ROBO1: variants seen among roughly 807,000 people sequenced by gnomAD.
The protein encoded by ROBO1 is roundabout guidance receptor 1.
In ROBO1, 149 loss-of-function variants were observed where a neutral mutation model predicts 195.9. That is an observed-to-expected ratio of 0.76 (90% confidence interval 0.67 to 0.87). The LOEUF (loss-of-function observed/expected upper bound fraction) is 0.87. Ranked by LOEUF, ROBO1 falls within the 40% of genes least tolerant of loss-of-function variation. The pLI, the probability that ROBO1 is intolerant of heterozygous loss-of-function variation, is 0.00. For missense variants in ROBO1, 1,933 were observed against 2,068.3 expected (o/e 0.93, Z 1.27); for synonymous variants, 816 against 733.2 (o/e 1.11, Z -1.82).
chr3:78,915,543 T>G (rs2107560961), intron 4 of ROBO1, among the ~76,000 whole-genome samples: 1 of 152,320 alleles, frequency 6.6e-6, no homozygotes, highest in East Asian at 1.9e-4. Context: ...CTCTTACCAC[T>G]TTATGTATAT....
intron 2 of ROBO1, among the ~76,000 whole-genome samples, chr3:79,545,659 T>C (rs1308141209): frequency 6.6e-6 from 1 of 152,154 alleles, no homozygotes; most frequent in African/African-American, 2.4e-5. Flanking sequence ...AGTGGAGAAA[T>C]AGGCCTGCAT....
intron 8 of ROBO1, among the ~76,000 whole-genome samples, chr3:78,695,600 G>A (rs2081269816): frequency 6.8e-6 from 1 of 146,382 alleles, no homozygotes; most frequent in Non-Finnish European, 1.5e-5. Flanking sequence ...ACTCCAGCCT[G>A]GCCAACAGAG....
chr3:79,045,176 C>T (rs925755637), intron 3 of ROBO1, among the ~76,000 whole-genome samples: 1 of 151,822 alleles, frequency 6.6e-6, no homozygotes, highest in East Asian at 1.9e-4. Flanking sequence ...AATAAAAATA[C>T]TGAGTTAAAA....
At chr3:79,308,842 C>T (rs989975178) in intron 2 of ROBO1, among the ~76,000 whole-genome samples, 3 of 152,090 alleles carry the variant, frequency 2.0e-5, no homozygotes, top group South Asian at 2.1e-4. Context: ...CTGCATTTTT[C>T]ACCAGGATTG....
At chr3:78,848,496 A>G (rs1160809770) in intron 4 of ROBO1, among the ~76,000 whole-genome samples, 1 of 152,152 alleles carries the variant, frequency 6.6e-6, no homozygotes, top group Non-Finnish European at 1.5e-5. Flanking sequence ...AATGAGGTGC[A>G]GGTTGCTGTT....
intron 1 of ROBO1, among the ~76,000 whole-genome samples, chr3:79,680,186 G>T (rs539088858): frequency 9.9e-5 from 15 of 152,038 alleles, no homozygotes; most frequent in African/African-American, 3.4e-4. Context: ...CACTGTCATT[G>T]TCTAGAAGTG....
intron 3 of ROBO1, among the ~76,000 whole-genome samples, chr3:78,965,703 G>A (rs1198177214): frequency 6.6e-6 from 1 of 151,798 alleles, no homozygotes; most frequent in African/African-American, 2.4e-5. Context: ...GAAAATGTCT[G>A]CTTCTACATA....
intron 2 of ROBO1, among the ~76,000 whole-genome samples, chr3:79,323,076 T>G (rs537599702): frequency 1.5e-4 from 22 of 150,696 alleles, no homozygotes; most frequent in East Asian, 7.7e-4. Context: ...ATTGTAGCTT[T>G]CTTTCTTTCT....
intron 29 of ROBO1, among the ~76,000 whole-genome samples, chr3:78,605,838 T>G (rs1407557666): frequency 6.6e-6 from 1 of 152,218 alleles, no homozygotes; most frequent in Non-Finnish European, 1.5e-5. Flanking sequence ...GAATAACTTT[T>G]TTTGTTTACT....
intron 2 of ROBO1, among the ~76,000 whole-genome samples, chr3:79,365,377 A>G (rs1039692878): frequency 2.6e-5 from 4 of 152,160 alleles, no homozygotes; most frequent in Non-Finnish European, 5.9e-5. Flanking sequence ...CTTGGTCCTG[A>G]ATGTGGACAG....
At chr3:79,183,365 T>C (rs1430042096) in intron 2 of ROBO1, among the ~76,000 whole-genome samples, 1 of 152,100 alleles carries the variant, frequency 6.6e-6, no homozygotes, top group Admixed American at 6.5e-5. Flanking sequence ...AAAGAGAAAC[T>C]ACAAGTTGAG....
At chr3:78,608,034 C>CAG (rs563078977) in intron 28 of ROBO1, among the ~76,000 whole-genome samples, 1 of 152,006 alleles carries the variant, frequency 6.6e-6, no homozygotes, top group Non-Finnish European at 1.5e-5. Flanking sequence ...CACACACACA[C>CAG]ACACACACAC....
chr3:79,375,016 T>C (rs1189066226), intron 2 of ROBO1, among the ~76,000 whole-genome samples: 2 of 152,190 alleles, frequency 1.3e-5, no homozygotes, highest in Non-Finnish European at 2.9e-5. Flanking sequence ...GTGCCAGCCA[T>C]GTACAAAACA....
At chr3:78,800,485 A>G (rs2084333086) in intron 4 of ROBO1, among the ~76,000 whole-genome samples, 1 of 152,172 alleles carries the variant, frequency 6.6e-6, no homozygotes, top group African/African-American at 2.4e-5. Flanking sequence ...ACTTACCCTC[A>G]CCCGTAATAC....
intron 4 of ROBO1, among the ~76,000 whole-genome samples, chr3:78,794,300 T>C (rs2084117118): frequency 6.6e-6 from 1 of 152,174 alleles, no homozygotes; most frequent in African/African-American, 2.4e-5. Context: ...ACTATGAGAA[T>C]CACATAAAAT....
chr3:79,139,686 T>G (rs1287021656), intron 2 of ROBO1, among the ~76,000 whole-genome samples: 2 of 152,190 alleles, frequency 1.3e-5, no homozygotes, highest in African/African-American at 4.8e-5. Context: ...TTTGCTGCCT[T>G]GAACTTTATC....
chr3:79,673,565 G>A (rs1044331020), intron 1 of ROBO1, among the ~76,000 whole-genome samples: 3 of 151,892 alleles, frequency 2.0e-5, no homozygotes, highest in African/African-American at 7.2e-5. Context: ...TTTTTGTGTG[G>A]GAGGCACAGT....
chr3:79,584,251 G>GT (rs1943747100), intron 2 of ROBO1, among the ~76,000 whole-genome samples: 1 of 68,200 alleles, frequency 1.5e-5, no homozygotes. Flanking sequence ...ATAGGTACAT[G>GT]TAATATATAT....
chr3:78,949,630 G>C (rs1339842664), intron 3 of ROBO1, among the ~76,000 whole-genome samples: 2 of 151,916 alleles, frequency 1.3e-5, no homozygotes, highest in African/African-American at 4.8e-5. Context: ...AACACCAAAA[G>C]CAATGGCAAC....
Sources: gnomAD v4.1 joint callset for allele counts (sites outside exome capture counted in the v4.1 genomes callset) on GRCh38, gnomAD v4.1.1 for gene constraint, MANE v1.5 for transcripts, NCBI Gene and HGNC (gene_info 2026-07-23, HGNC 2026-07-21) for gene names.